Variants in HPSE2 observed in about 807,000 individuals in gnomAD.
HPSE2 encodes heparanase 2 (inactive).
A neutral mutation model predicts 60.5 loss-of-function variants in HPSE2; 38 were observed. That is an observed-to-expected ratio of 0.63 (90% confidence interval 0.48 to 0.82). The LOEUF (loss-of-function observed/expected upper bound fraction) is 0.82. HPSE2 is among the 40% of genes least tolerant of loss of function. The pLI, the probability that HPSE2 is intolerant of heterozygous loss-of-function variation, is 0.00. For synonymous variants in HPSE2, 295 were observed against 293.2 expected (o/e 1.01, Z -0.06); for missense variants, 713 against 740.4 (o/e 0.96, Z 0.43).
chr10:98,936,978 CAAAA>C (rs1214450704), intron 3 of HPSE2, among the ~76,000 whole-genome samples: 3 of 31,016 alleles, frequency 9.7e-5, no homozygotes, highest in Non-Finnish European at 1.2e-4. Flanking sequence ...GACTCCATCT[CAAAA>C]AAAAAAAAAA....
At chr10:99,065,879 T>G (rs2135534556) in intron 3 of HPSE2, among the ~76,000 whole-genome samples, 2 of 152,350 alleles carry the variant, frequency 1.3e-5, no homozygotes, top group South Asian at 4.1e-4. Context: ...ACTTCCAGTT[T>G]CTTTCATCAT....
intron 3 of HPSE2, among the ~76,000 whole-genome samples, chr10:98,879,852 C>CGTGTGTGT (rs3043546): frequency 0.065 from 9,533 of 145,712 alleles, 401 homozygotes; most frequent in Non-Finnish European, 0.094. Flanking sequence ...TGTGCATGTG[C>CGTGTGTGT]GTGTGTGTGT....
At chr10:99,246,741 A>T in the HPSE2 span, among the ~76,000 whole-genome samples, 2 of 27,890 alleles carry the variant, frequency 7.2e-5, no homozygotes, top group Non-Finnish European at 5.5e-5. Flanking sequence ...GCAAGACTCC[A>T]TCTCAAAAAA....
chr10:99,208,275 A>T (rs1413747370), intron 2 of HPSE2, among the ~76,000 whole-genome samples: 1 of 152,142 alleles, frequency 6.6e-6, no homozygotes, highest in African/African-American at 2.4e-5. Flanking sequence ...AATGAAGACA[A>T]GACAGGAAGA....
At chr10:98,715,449 G>A (rs2134231832) in intron 5 of HPSE2, among the ~76,000 whole-genome samples, 1 of 151,750 alleles carries the variant, frequency 6.6e-6, no homozygotes, top group East Asian at 1.9e-4. Context: ...TTCTTCTTGG[G>A]TCAATTGTTT....
chr10:98,625,168 T>G (rs139473416), intron 7 of HPSE2, among the ~76,000 whole-genome samples: 2,327 of 152,316 alleles, frequency 0.015, 27 homozygotes, highest in Non-Finnish European at 0.025. Context: ...AAACTGCTAC[T>G]CCTTAAGGAA....
Position 99,132,224 on chromosome 10 carries a change from AG to A in HPSE2, c.610+12013del, listed in dbSNP as rs1845457764. Among the ~76,000 whole-genome samples the A allele has an allele frequency of 6.2e-4, 26 of 42,020 alleles. 1 individual carries two copies. The highest frequency in any genetic ancestry group is 0.014 in the Middle Eastern group (1 of 70). 27.6% of individuals were successfully genotyped at this position (42,020 alleles called of 152,430 possible). On this transcript the variant is annotated intron_variant, in intron 3 of 11. Transcript: ENST00000370552. The stretch of plus-strand genomic sequence containing the variant: ...GAGAGAGAGAGAGAGAGAGAGAGAG[AG>A]AGAGAGAGAGAGAGAGAGAAAGAAA...
At chr10:99,021,893 T>TTTA (rs1241400255) in intron 3 of HPSE2, among the ~76,000 whole-genome samples, 134 of 151,696 alleles carry the variant, frequency 8.8e-4, no homozygotes, top group African/African-American at 3.1e-3. Flanking sequence ...TACCTGTTTT[T>TTTA]TTATTATTAT....
At chr10:99,189,150 CTG>C (rs1848133653) in intron 2 of HPSE2, among the ~76,000 whole-genome samples, 1 of 152,212 alleles carries the variant, frequency 6.6e-6, no homozygotes, top group Non-Finnish European at 1.5e-5. Flanking sequence ...TCCAGACAAA[CTG>C]TCCATCCAAT....
chr10:99,269,345 A>T, the HPSE2 span, among the ~76,000 whole-genome samples: 1 of 152,192 alleles, frequency 6.6e-6, no homozygotes, highest in African/African-American at 2.4e-5. Context: ...AACAGCAGTT[A>T]AAAAAGACAA....
intron 3 of HPSE2, among the ~76,000 whole-genome samples, chr10:98,973,724 T>C (rs1047977396): frequency 6.6e-6 from 1 of 152,156 alleles, no homozygotes; most frequent in Non-Finnish European, 1.5e-5. Flanking sequence ...ATAGCATTTT[T>C]GCCAAGGAAA....
intron 3 of HPSE2, among the ~76,000 whole-genome samples, chr10:99,102,748 A>C (rs1174432382): frequency 1.3e-5 from 2 of 152,212 alleles, no homozygotes; most frequent in Non-Finnish European, 2.9e-5. Flanking sequence ...ATACTGGCAA[A>C]CCGAATCCAG....
At chr10:98,671,486 C>T (rs1488933861) in intron 6 of HPSE2, among the ~76,000 whole-genome samples, 2 of 151,312 alleles carry the variant, frequency 1.3e-5, no homozygotes, top group African/African-American at 4.9e-5. Context: ...TCTAACAGAC[C>T]TTGTCTAATA....
intron 4 of HPSE2, among the ~76,000 whole-genome samples, chr10:98,726,764 T>C (rs747066536): frequency 1.3e-5 from 2 of 151,910 alleles, no homozygotes; most frequent in Admixed American, 1.3e-4. Flanking sequence ...TAAATATGCT[T>C]AGGAGGGACT....
At chr10:99,297,263 T>C in the HPSE2 span, among the ~76,000 whole-genome samples, 1 of 152,212 alleles carries the variant, frequency 6.6e-6, no homozygotes, top group Non-Finnish European at 1.5e-5. Flanking sequence ...TTACCACCCA[T>C]GCAAGCCCTT....
At chr10:99,033,521 A>G (rs1430322652) in intron 3 of HPSE2, among the ~76,000 whole-genome samples, 2 of 152,122 alleles carry the variant, frequency 1.3e-5, no homozygotes, top group Non-Finnish European at 2.9e-5. Flanking sequence ...AGTGGCTTAC[A>G]CCTGTAATCC....
chr10:98,797,941 G>A (rs1489691836), intron 3 of HPSE2, among the ~76,000 whole-genome samples: 1 of 152,140 alleles, frequency 6.6e-6, no homozygotes, highest in Non-Finnish European at 1.5e-5. Context: ...CTCAAACCTG[G>A]AGAAGATACC....
chr10:98,999,781 C>T (rs1437911622), intron 3 of HPSE2, among the ~76,000 whole-genome samples: 1 of 152,110 alleles, frequency 6.6e-6, no homozygotes, highest in Non-Finnish European at 1.5e-5. Flanking sequence ...AACTAACACT[C>T]CAAAGATAGG....
intron 3 of HPSE2, among the ~76,000 whole-genome samples, chr10:98,914,329 A>T (rs1954059780): frequency 1.3e-5 from 2 of 152,200 alleles, no homozygotes; most frequent in East Asian, 3.9e-4. Flanking sequence ...GTGGAACTGT[A>T]CGTTCAATGA....
Sources: gnomAD v4.1 joint callset for allele counts (sites outside exome capture counted in the v4.1 genomes callset) on GRCh38, gnomAD v4.1.1 for gene constraint, MANE v1.5 for transcripts, NCBI Gene and HGNC (gene_info 2026-07-23, HGNC 2026-07-21) for gene names.